The following ARB2A variants were observed in gnomAD, a reference collection of about 807,000 sequenced individuals.
The protein encoded by ARB2A is cotranscriptional regulator ARB2A.
At chr5:93,822,606 T>G in the ARB2A span, among the ~76,000 whole-genome samples, 1 of 152,012 alleles carries the variant, frequency 6.6e-6, no homozygotes, top group African/African-American at 2.4e-5. Flanking sequence ...AAGCTATATA[T>G]AATCTATATC....
At chr5:93,827,842 A>G in the ARB2A span, among the ~76,000 whole-genome samples, 1 of 151,934 alleles carries the variant, frequency 6.6e-6, no homozygotes, top group Non-Finnish European at 1.5e-5. Flanking sequence ...AGCACCATTT[A>G]TTAAATAGGG....
the ARB2A span, among the ~76,000 whole-genome samples, chr5:93,993,546 C>A: frequency 6.6e-6 from 1 of 152,094 alleles, no homozygotes; most frequent in African/African-American, 2.4e-5. Flanking sequence ...TTTTGCTCAA[C>A]CCTATAAATG....
the ARB2A span, among the ~76,000 whole-genome samples, chr5:94,012,012 GA>G: frequency 1.3e-5 from 2 of 148,676 alleles, no homozygotes; most frequent in Non-Finnish European, 3.0e-5. Context: ...GGGAAAACCA[GA>G]GACTAGTGTG....
the ARB2A span, among the ~76,000 whole-genome samples, chr5:93,984,834 ATG>A: frequency 2.0e-5 from 3 of 152,368 alleles, no homozygotes; most frequent in East Asian, 5.8e-4. Flanking sequence ...GCCTGCAGAC[ATG>A]TGACACTTTT....
chr5:93,856,022 A>G, the ARB2A span, among the ~76,000 whole-genome samples: 1 of 152,064 alleles, frequency 6.6e-6, no homozygotes, highest in African/African-American at 2.4e-5. Context: ...ACTACGAGCT[A>G]CAGGAGGAAA....
At chr5:93,648,836 G>GA in the ARB2A span, among the ~76,000 whole-genome samples, 1 of 152,064 alleles carries the variant, frequency 6.6e-6, no homozygotes, top group African/African-American at 2.4e-5. Flanking sequence ...CCTAAAGCCA[G>GA]AAAAAATACT....
At chr5:93,844,379 G>A in the ARB2A span, among the ~76,000 whole-genome samples, 12 of 152,150 alleles carry the variant, frequency 7.9e-5, no homozygotes, top group East Asian at 2.3e-3. Context: ...AGGAGGTGGA[G>A]GCTGCAGTGA....
chr5:93,765,157 C>T, the ARB2A span, among the ~76,000 whole-genome samples: 45 of 152,282 alleles, frequency 3.0e-4, no homozygotes, highest in African/African-American at 1.1e-3. Context: ...CCCTCTCTCA[C>T]CACTCCTATT....
chr5:93,751,694 T>G, the ARB2A span, among the ~76,000 whole-genome samples: 3 of 152,234 alleles, frequency 2.0e-5, no homozygotes, highest in Admixed American at 2.0e-4. Context: ...TACCAAAGAA[T>G]ATGCATTTTA....
chr5:93,995,145 G>T, the ARB2A span, among the ~76,000 whole-genome samples: 7 of 152,146 alleles, frequency 4.6e-5, no homozygotes, highest in Non-Finnish European at 1.0e-4. Flanking sequence ...AAAACTCACT[G>T]TAGTACATAC....
At chr5:94,038,678 A>G in the ARB2A span, among the ~76,000 whole-genome samples, 28 of 152,126 alleles carry the variant, frequency 1.8e-4, no homozygotes, top group African/African-American at 6.8e-4. Context: ...AGACTTAAAA[A>G]CAATTCCTAC....
the ARB2A span, among the ~76,000 whole-genome samples, chr5:93,745,437 A>G: frequency 2.0e-5 from 3 of 152,204 alleles, no homozygotes; most frequent in African/African-American, 4.8e-5. Flanking sequence ...ATGCTAATGC[A>G]CAAGCTAGTC....
At chr5:93,716,693 CAAAAAAAAAA>C in the ARB2A span, among the ~76,000 whole-genome samples, 5 of 36,684 alleles carry the variant, frequency 1.4e-4, no homozygotes, top group East Asian at 2.0e-3. Flanking sequence ...ATAAGCTGTG[CAAAAAAAAAA>C]AAAAAAAAAA....
the ARB2A span, chr5:93,682,981 A>G: frequency 6.3e-7 from 1 of 1,582,694 alleles, no homozygotes; most frequent in Non-Finnish European, 8.6e-7. Context: ...TTTTTGCTTT[A>G]ATGTCTTCTA....
the ARB2A span, among the ~76,000 whole-genome samples, chr5:94,063,101 G>A: frequency 2.8e-4 from 42 of 152,232 alleles, no homozygotes; most frequent in African/African-American, 1.0e-3. Context: ...TTCCACTGAG[G>A]GGCCTAGAAA....
chr5:94,059,055 G>C, the ARB2A span, among the ~76,000 whole-genome samples: 96 of 152,050 alleles, frequency 6.3e-4, 1 homozygote, highest in East Asian at 0.016. Flanking sequence ...TCAGCACTAT[G>C]CTTCAGGTAC....
At chr5:93,656,159 T>A in the ARB2A span, among the ~76,000 whole-genome samples, 1 of 152,138 alleles carries the variant, frequency 6.6e-6, no homozygotes. Context: ...TTAAACTGAA[T>A]TAAAAATGAA....
chr5:93,801,884 A>C, the ARB2A span, among the ~76,000 whole-genome samples: 4 of 152,144 alleles, frequency 2.6e-5, no homozygotes, highest in African/African-American at 9.7e-5. Context: ...GCCAGAACGA[A>C]GTCTGAAGGT....
the ARB2A span, among the ~76,000 whole-genome samples, chr5:93,921,268 G>A: frequency 6.6e-6 from 1 of 151,864 alleles, no homozygotes; most frequent in Middle Eastern, 3.4e-3. Flanking sequence ...TATTGAAAAT[G>A]CAGCTTTTAT....
Sources: gnomAD v4.1 joint callset for allele counts (sites outside exome capture counted in the v4.1 genomes callset) on GRCh38, gnomAD v4.1.1 for gene constraint, MANE v1.5 for transcripts, NCBI Gene and HGNC (gene_info 2026-07-23, HGNC 2026-07-21) for gene names.